Variants in C6 observed in about 807,000 individuals in gnomAD.
C6 encodes the protein complement C6, also known as complement component C6.
C6 carries 101 observed loss-of-function variants against 112.9 expected under a neutral mutation model. That is an observed-to-expected ratio of 0.89 (90% CI 0.76 to 1.06). C6 has a LOEUF of 1.06. Among genes scored for constraint, C6 ranks in the 50% least tolerant of loss-of-function variants. The pLI is 0.00. For missense variants in C6, 1,202 were observed against 1,104.6 expected (o/e 1.09, Z -1.25); for synonymous variants, 431 against 384.1 (o/e 1.12, Z -1.43).
chr5:41,229,109 C>T (rs1359079172), intron 1 of C6, among the ~76,000 whole-genome samples: 3 of 151,996 alleles, frequency 2.0e-5, no homozygotes, highest in Non-Finnish European at 4.4e-5. Flanking sequence ...AGCACGACTC[C>T]ATCAAAAAGA....
chr5:41,198,492 G>C (rs1015666277), intron 4 of C6, among the ~76,000 whole-genome samples: 5 of 152,164 alleles, frequency 3.3e-5, no homozygotes, highest in Middle Eastern at 6.4e-3. Flanking sequence ...TTTGGGCTCT[G>C]GGAAGCAGGG....
intron 17 of C6, among the ~76,000 whole-genome samples, chr5:41,148,663 C>T (rs961864069): frequency 5.3e-5 from 8 of 152,168 alleles, no homozygotes; most frequent in Admixed American, 5.2e-4. Context: ...CTGGCTGACC[C>T]CACGCATGGT....
intron 3 of C6, among the ~76,000 whole-genome samples, chr5:41,200,618 T>C (rs1397708568): frequency 2.0e-5 from 3 of 152,200 alleles, no homozygotes; most frequent in African/African-American, 4.8e-5. Flanking sequence ...CCTCAGAAAG[T>C]AGCTGTTCCA....
chr5:41,163,322 T>A (rs1747699829), intron 9 of C6, among the ~76,000 whole-genome samples: 1 of 150,904 alleles, frequency 6.6e-6, no homozygotes, highest in African/African-American at 2.4e-5. Flanking sequence ...TTTTTTTTTT[T>A]TTTTTTTGAG....
At chr5:41,252,363 G>A (rs1741416394) in intron 1 of C6, among the ~76,000 whole-genome samples, 1 of 152,146 alleles carries the variant, frequency 6.6e-6, no homozygotes, top group Non-Finnish European at 1.5e-5. Context: ...GCCTTGTTGG[G>A]AGGGGAGGTC....
intron 1 of C6, among the ~76,000 whole-genome samples, chr5:41,239,270 C>T (rs1740545590): frequency 6.6e-6 from 1 of 151,920 alleles, no homozygotes; most frequent in Non-Finnish European, 1.5e-5. Context: ...TGCCACCACG[C>T]CCAGCTAATT....
intron 7 of C6, among the ~76,000 whole-genome samples, chr5:41,178,340 G>A (rs946218353): frequency 5.3e-5 from 8 of 151,948 alleles, no homozygotes; most frequent in African/African-American, 7.2e-5. Context: ...TGTGAATGAC[G>A]AAACAACTAA....
chr5:41,168,024 G>A (rs1201221455), intron 9 of C6, among the ~76,000 whole-genome samples: 2 of 152,130 alleles, frequency 1.3e-5, no homozygotes, highest in Non-Finnish European at 2.9e-5. Flanking sequence ...GTGGGAACAA[G>A]AGCCAACACT....
At chr5:41,169,309 A>G (rs1748238360) in intron 9 of C6, among the ~76,000 whole-genome samples, 1 of 151,966 alleles carries the variant, frequency 6.6e-6, no homozygotes, top group East Asian at 1.9e-4. Context: ...GTGTACATAC[A>G]CACATACGCA....
chr5:41,208,332 C>T (rs1010163403), intron 1 of C6, among the ~76,000 whole-genome samples: 1 of 152,072 alleles, frequency 6.6e-6, no homozygotes, highest in Non-Finnish European at 1.5e-5. Context: ...AGAGCAAACA[C>T]ATTCAAAAGC....
intron 7 of C6, among the ~76,000 whole-genome samples, chr5:41,179,335 T>C (rs1372017159): frequency 6.6e-6 from 1 of 152,178 alleles, no homozygotes; most frequent in Admixed American, 6.5e-5. Flanking sequence ...GAAATACATA[T>C]AAATCACATA....
rs1291409095 is a variant in C6, at chr5:41,161,767, A to G, written c.1384T>C (p.Ser462Pro). 1.2e-6 allele frequency: 2 copies of G among 1,613,674 alleles called. No homozygotes were observed. The highest frequency in any genetic ancestry group is 3.3e-5 in the Admixed American group (2 of 59,986). The part of the protein sequence containing the change: ...GAALAWEKGS[S>P]GLEEKTFSEW... Reference sequence around the variant, plus strand: ...GAAAATGTCTTCTCCTCCAGACCAGAGCTCCCTTTCTCCCATGCCAAAGCT... The same window carrying G: ...GAAAATGTCTTCTCCTCCAGACCAGGGCTCCCTTTCTCCCATGCCAAAGCT... The change falls in exon 10 of 18, where the codon TCT becomes CCT. Residue 462 changes from serine (S) to proline (P), a missense_variant. Transcript: ENST00000337836.
intron 1 of C6, among the ~76,000 whole-genome samples, chr5:41,206,214 T>C (rs1447636823): frequency 6.6e-6 from 1 of 152,202 alleles, no homozygotes. Flanking sequence ...AAACCCCATC[T>C]GTACGTCACC....
chr5:41,213,701 G>A (rs547864040), upstream of C6: 5 of 196,298 alleles, frequency 2.5e-5, no homozygotes, highest in Non-Finnish European at 4.6e-5. Flanking sequence ...TATTGCTACT[G>A]CATAGAAATC....
At position 41,160,135 on chromosome 5, in the gene C6, T is replaced by C; in HGVS notation, c.1684+7A>G. Reference sequence around the variant, plus strand: ...TATCTACCTCACAATAGATTCCTGATACTTACTGGATTTATAATCTGGAGA... The same window carrying C: ...TATCTACCTCACAATAGATTCCTGACACTTACTGGATTTATAATCTGGAGA... On this transcript the variant is annotated splice_region_variant and intron_variant, in intron 11 of 17. Transcript: ENST00000337836. 1 of 1,598,856 alleles carries C rather than the reference T, an allele frequency of 6.3e-7. No homozygotes were observed. The highest frequency in any genetic ancestry group is 8.6e-7 in the Non-Finnish European group (1 of 1,166,214).
intron 6 of C6, 86 bp from the exon 7 acceptor site, chr5:41,181,645 A>G (rs1749362695): frequency 9.1e-6 from 10 of 1,095,568 alleles, no homozygotes; most frequent in Non-Finnish European, 1.2e-5. Context: ...TGATTTATTT[A>G]TTTATGCACT....
At chr5:41,201,462 T>C (rs767432126) in intron 3 of C6, 96 bp downstream of exon 3, 8 of 1,202,040 alleles carry the variant, frequency 6.7e-6, no homozygotes, top group Non-Finnish European at 9.7e-6. Flanking sequence ...TTTCAGAAAT[T>C]GAAGTAATTC....
At chr5:41,182,202 G>A (rs1483978428) in intron 6 of C6, among the ~76,000 whole-genome samples, 1 of 151,294 alleles carries the variant, frequency 6.6e-6, no homozygotes, top group Non-Finnish European at 1.5e-5. Context: ...CCAATAAAAT[G>A]TAAATATAAA....
At chr5:41,175,544 A>C (rs1425613304) in intron 8 of C6, among the ~76,000 whole-genome samples, 3 of 152,178 alleles carry the variant, frequency 2.0e-5, no homozygotes, top group Non-Finnish European at 4.4e-5. Flanking sequence ...ATCACTCTTC[A>C]TTTTGGTGAT....
Sources: allele counts gnomAD v4.1 joint callset (sites outside exome capture counted in the v4.1 genomes callset), GRCh38; gene constraint gnomAD v4.1.1; transcripts MANE v1.5; gene names NCBI Gene and HGNC (gene_info 2026-07-23, HGNC 2026-07-21).